Variants in NRXN3 observed in about 807,000 individuals in gnomAD.
NRXN3 encodes neurexin 3, also known as neurexin III.
In NRXN3, 32 loss-of-function variants were observed where a neutral mutation model predicts 137.6. The observed-to-expected ratio is 0.23, with a 90% CI of 0.18 to 0.31. The LOEUF is 0.31. Ranked by LOEUF, NRXN3 falls within the 10% of genes least tolerant of loss-of-function variation. The pLI, the probability that NRXN3 is intolerant of heterozygous loss-of-function variation, is 1.00. For missense variants in NRXN3, 1,574 were observed against 2,062.5 expected (o/e 0.76, Z 4.59); for synonymous variants, 798 against 784.5 (o/e 1.02, Z -0.29).
intron 10 of NRXN3, among the ~76,000 whole-genome samples, chr14:78,940,746 A>ACT (rs1171356468): frequency 6.6e-6 from 1 of 152,162 alleles, no homozygotes; most frequent in Non-Finnish European, 1.5e-5. Flanking sequence ...TCCCCCAACT[A>ACT]CCGTGTACTC....
chr14:78,579,534 TAAA>T (rs201034587), intron 4 of NRXN3, among the ~76,000 whole-genome samples: 14 of 137,756 alleles, frequency 1.0e-4, no homozygotes, highest in African/African-American at 8.0e-5. Flanking sequence ...TGGTGGTGGT[TAAA>T]AAAAAAAAAA....
At chr14:78,213,690 T>A (rs1052897286) in intron 1 of NRXN3, among the ~76,000 whole-genome samples, 1 of 152,160 alleles carries the variant, frequency 6.6e-6, no homozygotes, top group Non-Finnish European at 1.5e-5. Flanking sequence ...GTAGCTGTGC[T>A]GTTGTCAACT....
chr14:79,008,977 C>T (rs74764782), intron 15 of NRXN3, among the ~76,000 whole-genome samples: 1,701 of 151,960 alleles, frequency 0.011, 26 homozygotes, highest in African/African-American at 0.04. Context: ...TTCTGTTGCT[C>T]TTCAAGTTAG....
intron 16 of NRXN3, among the ~76,000 whole-genome samples, chr14:79,620,110 G>T (rs576539927): frequency 1.3e-5 from 2 of 151,912 alleles, no homozygotes; most frequent in Admixed American, 1.3e-4. Flanking sequence ...AAATAGAAGG[G>T]GATAAACCAA....
chr14:78,784,301 T>C (rs866314540), intron 8 of NRXN3, among the ~76,000 whole-genome samples: 6 of 152,268 alleles, frequency 3.9e-5, no homozygotes, highest in Non-Finnish European at 7.4e-5. Flanking sequence ...GGTGGCTGAA[T>C]GCCCAAATGC....
intron 16 of NRXN3, among the ~76,000 whole-genome samples, chr14:79,527,918 C>T (rs1211111581): frequency 6.7e-6 from 1 of 149,966 alleles, no homozygotes; most frequent in Non-Finnish European, 1.5e-5. Flanking sequence ...GCAGTAGTAG[C>T]AGGAGTAGTA....
At chr14:78,227,314 T>C (rs2153432476) in intron 1 of NRXN3, among the ~76,000 whole-genome samples, 1 of 152,298 alleles carries the variant, frequency 6.6e-6, no homozygotes, top group African/African-American at 2.4e-5. Context: ...GTTCTGTCTC[T>C]GAGCTTCAGT....
chr14:78,685,085 A>C (rs987349572), intron 6 of NRXN3, among the ~76,000 whole-genome samples: 1 of 152,202 alleles, frequency 6.6e-6, no homozygotes, highest in African/African-American at 2.4e-5. Flanking sequence ...GTACTTTAAC[A>C]AGGCCTTTCC....
chr14:78,262,629 C>T (rs1344219931), intron 2 of NRXN3, among the ~76,000 whole-genome samples: 3 of 152,050 alleles, frequency 2.0e-5, no homozygotes, highest in African/African-American at 7.2e-5. Context: ...CCTGCCCTCC[C>T]AGGTCCTCCC....
At chr14:79,019,260 A>G (rs1300189253) in intron 15 of NRXN3, among the ~76,000 whole-genome samples, 1 of 152,200 alleles carries the variant, frequency 6.6e-6, no homozygotes, top group East Asian at 1.9e-4. Flanking sequence ...GAAGATGCCT[A>G]TTCCAACACC....
rs10129668 is a variant in NRXN3, at chr14:78,200,846, G to T, written c.-704+30172G>T. On this transcript the variant is annotated intron_variant, in intron 1 of 20. Transcript: ENST00000335750. Reference sequence around the variant, plus strand: ...GACTTCAGTGGGAGATCTATTGTTTGATCATGGGGTTTGGCAGGCACTTCG... The same window carrying T: ...GACTTCAGTGGGAGATCTATTGTTTTATCATGGGGTTTGGCAGGCACTTCG... Among the ~76,000 whole-genome samples, 237 of 152,304 alleles carry T rather than the reference G, an allele frequency of 1.6e-3. 1 individual carries two copies. The highest frequency in any genetic ancestry group is 5.5e-3 in the African/African-American group (230 of 41,556).
intron 4 of NRXN3, among the ~76,000 whole-genome samples, chr14:78,441,274 C>T (rs1269130992): frequency 2.0e-5 from 3 of 152,074 alleles, no homozygotes; most frequent in Non-Finnish European, 2.9e-5. Context: ...TGATCTCATC[C>T]TTCTTTCTCC....
chr14:79,251,618 G>A (rs1262019329), intron 15 of NRXN3, among the ~76,000 whole-genome samples: 1 of 152,106 alleles, frequency 6.6e-6, no homozygotes, highest in Non-Finnish European at 1.5e-5. Flanking sequence ...CCTCCACTTA[G>A]AGGAAGTAGC....
At chr14:78,718,804 G>A (rs1180815056) in intron 8 of NRXN3, among the ~76,000 whole-genome samples, 2 of 152,174 alleles carry the variant, frequency 1.3e-5, no homozygotes, top group Non-Finnish European at 2.9e-5. Context: ...GCTATTCATA[G>A]TGATGTGAGA....
chr14:79,844,005 T>C (rs188546787), intron 20 of NRXN3, among the ~76,000 whole-genome samples: 3 of 152,296 alleles, frequency 2.0e-5, no homozygotes, highest in African/African-American at 7.2e-5. Flanking sequence ...AATATTTACT[T>C]TTCCATTCCT....
chr14:79,272,936 G>A (rs935529569), intron 15 of NRXN3, among the ~76,000 whole-genome samples: 4 of 152,108 alleles, frequency 2.6e-5, no homozygotes, highest in African/African-American at 9.7e-5. Flanking sequence ...ACTTTGGGAG[G>A]CCAAGACGAG....
intron 16 of NRXN3, among the ~76,000 whole-genome samples, chr14:79,468,054 G>A (rs1180514052): frequency 6.6e-6 from 1 of 152,174 alleles, no homozygotes; most frequent in Admixed American, 6.5e-5. Context: ...TGCCAGAGTG[G>A]GCGGGGCAAA....
rs71131653 is a variant in NRXN3 at position 78,506,643 on chromosome 14, G to GTT, written c.758-138448_758-138447dup. ...AGGTAATATCTCATATCTCATTGTA[G>GTT]TTTTTTTTTTTTTTTTTTTTTTTTT... On this transcript the variant is annotated intron_variant, in intron 4 of 20. Transcript: ENST00000335750. Among the ~76,000 whole-genome samples the GTT allele has an allele frequency of 9.1e-3, 953 of 105,236 alleles. 106 individuals are homozygous for GTT. The highest frequency in any genetic ancestry group is 0.013 in the African/African-American group (370 of 27,858). The allele number at this position is 105,236 out of a possible 152,430, so 69.0% of individuals were successfully genotyped here. A position where few individuals can be genotyped will look rare whatever the true frequency, so the allele number is the denominator to read the frequency against.
chr14:79,109,963 A>T (rs1395092478), intron 15 of NRXN3, among the ~76,000 whole-genome samples: 1 of 152,152 alleles, frequency 6.6e-6, no homozygotes, highest in East Asian at 1.9e-4. Context: ...CCTCAACTTA[A>T]AAGTTAAAAA....
Sources: gnomAD v4.1 joint callset for allele counts (sites outside exome capture counted in the v4.1 genomes callset) on GRCh38, gnomAD v4.1.1 for gene constraint, MANE v1.5 for transcripts, NCBI Gene and HGNC (gene_info 2026-07-23, HGNC 2026-07-21) for gene names.